Variants in ADGRL3 observed in about 807,000 individuals in gnomAD.
The protein encoded by ADGRL3 is adhesion G protein-coupled receptor L3.
A neutral mutation model predicts 153.5 loss-of-function variants in ADGRL3; 62 were observed. That is an observed-to-expected ratio of 0.40 (90% CI 0.33 to 0.50). The LOEUF (loss-of-function observed/expected upper bound fraction) is 0.50, where lower values mean the gene tolerates loss of function less well. Among genes scored for constraint, ADGRL3 ranks in the 20% least tolerant of loss-of-function variants. The pLI, the probability that ADGRL3 is intolerant of heterozygous loss-of-function variation, is 0.47. For synonymous variants in ADGRL3, 710 were observed against 672.5 expected (o/e 1.06, Z -0.86); for missense variants, 1,641 against 1,859.4 (o/e 0.88, Z 2.16).
At chr4:61,497,416 G>T in intron 3 of ADGRL3, 68 bp downstream of exon 3, 1 of 979,104 alleles carries the variant, frequency 1.0e-6, no homozygotes, top group South Asian at 1.6e-5. Context: ...ACACTTCCTT[G>T]GGATCTTTTC....
chr4:61,286,442 A>G (rs961384341), intron 1 of ADGRL3, among the ~76,000 whole-genome samples: 6 of 151,482 alleles, frequency 4.0e-5, no homozygotes, highest in African/African-American at 1.5e-4. Flanking sequence ...TTTTATAGTC[A>G]TTTATATTTC....
intron 9 of ADGRL3, among the ~76,000 whole-genome samples, chr4:61,843,738 G>A (rs1453396023): frequency 1.3e-5 from 2 of 152,146 alleles, no homozygotes; most frequent in African/African-American, 2.4e-5. Context: ...TATGTCAGGT[G>A]TGGTGCTTCG....
At chr4:61,734,703 C>A (rs2151839797) in intron 8 of ADGRL3, among the ~76,000 whole-genome samples, 1 of 152,186 alleles carries the variant, frequency 6.6e-6, no homozygotes, top group South Asian at 2.1e-4. Flanking sequence ...TATCAACTAG[C>A]CATAACAGTC....
intron 9 of ADGRL3, among the ~76,000 whole-genome samples, chr4:61,856,997 TTTC>T (rs2098279542): frequency 7.7e-6 from 1 of 129,934 alleles, no homozygotes; most frequent in African/African-American, 3.1e-5. Flanking sequence ...TCTTTCTTTC[TTTC>T]TTTCTTTCTT....
chr4:61,603,597 CG>C (rs1410239560), intron 5 of ADGRL3, among the ~76,000 whole-genome samples: 1 of 152,034 alleles, frequency 6.6e-6, no homozygotes, highest in African/African-American at 2.4e-5. Context: ...CTTTTATGTA[CG>C]GTCAAAGTTT....
chr4:61,718,565 T>A (rs1322002192), intron 6 of ADGRL3, among the ~76,000 whole-genome samples: 9 of 152,190 alleles, frequency 5.9e-5, no homozygotes, highest in Non-Finnish European at 1.2e-4. Flanking sequence ...TGTACTAAGA[T>A]TTATATAGTA....
At chr4:61,956,894 A>C (rs543109528) in intron 17 of ADGRL3, among the ~76,000 whole-genome samples, 3 of 152,168 alleles carry the variant, frequency 2.0e-5, no homozygotes, top group African/African-American at 4.8e-5. Flanking sequence ...CCATTGGTCT[A>C]TATGTTTGTT....
chr4:61,475,270 A>AT (rs2098031941), intron 2 of ADGRL3, among the ~76,000 whole-genome samples: 1 of 152,168 alleles, frequency 6.6e-6, no homozygotes, highest in Non-Finnish European at 1.5e-5. Context: ...TTTTAAGCAT[A>AT]TTTTGTTGGA....
chr4:61,912,386 C>G (rs1175776369), intron 12 of ADGRL3, among the ~76,000 whole-genome samples: 12 of 152,158 alleles, frequency 7.9e-5, no homozygotes, highest in Non-Finnish European at 1.6e-4. Flanking sequence ...AAATTCATAA[C>G]TAACCTAATG....
At chr4:62,062,549 T>A (rs1740786545) in intron 25 of ADGRL3, among the ~76,000 whole-genome samples, 1 of 152,064 alleles carries the variant, frequency 6.6e-6, no homozygotes, top group South Asian at 2.1e-4. Flanking sequence ...CTAACACAAA[T>A]ACACAATTCT....
chr4:61,671,543 G>C (rs2094998507), intron 5 of ADGRL3, among the ~76,000 whole-genome samples: 1 of 152,096 alleles, frequency 6.6e-6, no homozygotes, highest in African/African-American at 2.4e-5. Context: ...ATATCTTTTT[G>C]ATTGCAGAAA....
intron 1 of ADGRL3, among the ~76,000 whole-genome samples, chr4:61,323,408 T>C (rs1202571731): frequency 6.6e-6 from 1 of 151,984 alleles, no homozygotes; most frequent in Non-Finnish European, 1.5e-5. Context: ...GATTTTTTTT[T>C]CTATTGCATT....
At chr4:61,678,864 T>C (rs72638535) in intron 6 of ADGRL3, among the ~76,000 whole-genome samples, 4,541 of 152,150 alleles carry the variant, frequency 0.03, 83 homozygotes, top group Non-Finnish European at 0.045. Flanking sequence ...GGAATTCATT[T>C]AATAAATTTA....
chr4:61,839,080 C>A (rs2097982461), intron 9 of ADGRL3, among the ~76,000 whole-genome samples: 1 of 152,058 alleles, frequency 6.6e-6, no homozygotes, highest in Non-Finnish European at 1.5e-5. Context: ...GGAGCGTGTA[C>A]TGGAGTATTT....
chr4:61,381,725 T>G (rs1454602203), intron 1 of ADGRL3, among the ~76,000 whole-genome samples: 12 of 151,986 alleles, frequency 7.9e-5, no homozygotes, highest in Admixed American at 7.9e-4. Context: ...GAAGATGAGA[T>G]ACGCCAGTTC....
At chr4:61,255,671 G>A (rs192873297) in intron 1 of ADGRL3, among the ~76,000 whole-genome samples, 2 of 152,280 alleles carry the variant, frequency 1.3e-5, no homozygotes, top group East Asian at 1.9e-4. Flanking sequence ...CCAAGATACA[G>A]GAGTGGAAAT....
chr4:61,890,496 G>T (rs1459612669), intron 9 of ADGRL3, among the ~76,000 whole-genome samples: 1 of 152,044 alleles, frequency 6.6e-6, no homozygotes, highest in Non-Finnish European at 1.5e-5. Context: ...CATGGCAGAA[G>T]GCAGAAGGGC....
At chr4:62,034,924 G>T (rs1417202255) in intron 23 of ADGRL3, among the ~76,000 whole-genome samples, 1 of 151,646 alleles carries the variant, frequency 6.6e-6, no homozygotes, top group African/African-American at 2.4e-5. Context: ...TACTGGTAAG[G>T]TATATTCTCT....
chr4:61,769,768 G>T (rs2097059650), intron 8 of ADGRL3, among the ~76,000 whole-genome samples: 1 of 151,286 alleles, frequency 6.6e-6, no homozygotes, highest in Non-Finnish European at 1.5e-5. Context: ...CAGTGGGCAG[G>T]AGTGGGGGTC....
Sources: allele counts gnomAD v4.1 joint callset (sites outside exome capture counted in the v4.1 genomes callset), GRCh38; gene constraint gnomAD v4.1.1; transcripts MANE v1.5; gene names NCBI Gene and HGNC (gene_info 2026-07-23, HGNC 2026-07-21).